LZTS3: variants seen among roughly 807,000 people sequenced by gnomAD.
LZTS3 encodes the protein leucine zipper putative tumor suppressor 3.
A neutral mutation model predicts 50.9 loss-of-function variants in LZTS3; 16 were observed. The observed-to-expected ratio is 0.31, with a 90% CI of 0.21 to 0.48. LZTS3 has a LOEUF of 0.48. Ranked by LOEUF, LZTS3 falls within the 20% of genes least tolerant of loss-of-function variation. LZTS3 has a pLI of 0.99. For synonymous variants in LZTS3, 408 were observed against 410.6 expected (o/e 0.99, Z 0.08); for missense variants, 816 against 931.0 (o/e 0.88, Z 1.61).
At chr20:3,171,027 T>A (rs1313088865) in intron 1 of LZTS3, among the ~76,000 whole-genome samples, 1 of 152,134 alleles carries the variant, frequency 6.6e-6, no homozygotes, top group African/African-American at 2.4e-5. Context: ...GGCAAGGGGA[T>A]AGCAAGGTGA....
At chr20:3,167,636 G>C (rs2066849632) in intron 2 of LZTS3, 102 bp downstream of exon 2, 1 of 989,758 alleles carries the variant, frequency 1.0e-6, no homozygotes, top group African/African-American at 1.7e-5. Flanking sequence ...GGGGAGAGCA[G>C]TACCTGAATC....
At chr20:3,166,590 GCCTCCATCCTGCCCCCACAACCCAA>G in intron 3 of LZTS3, 90 bp downstream of exon 3, 20 of 1,351,870 alleles carry the variant, frequency 1.5e-5, no homozygotes, top group Non-Finnish European at 1.9e-5. Context: ...CCCCAGCCCA[GCCTCCATCCTGCCCCCACAACCCAA>G]CCTCCAAGAA....
In LZTS3 at chr20:3,166,044, C is replaced by T; in HGVS notation, c.776G>A (p.Gly259Asp). The T allele has an allele frequency of 6.2e-7, 1 of 1,613,066 alleles. No individual in the cohort carries two copies. Among genetic ancestry groups the T allele is most frequent in the Non-Finnish European group, 8.5e-7 (1 of 1,179,556 alleles). The change falls in exon 4 of 5, where the codon GGT (glycine) becomes GAT (aspartate). Residue 259 changes from glycine (G) to aspartate (D), a missense_variant. Physicochemically the swap from Gly to Asp is moderately conservative, Grantham distance 94. This residue lies in a region of LZTS3 where 700 missense variants were observed against 769.4 expected (regional missense o/e 0.91). Coordinates refer to ENST00000337576, the MANE Select transcript of LZTS3 (RefSeq NM_001365618.1). ...CCCCCCACCGCTGCTGCCGCCACTA[C>T]CACTACCATAGCTGGCAGTGCCAAT... is the stretch of plus-strand genomic sequence containing the variant. ...NRIGTASYGSGSGGSSGGGSG... is the reference protein window; with the variant it reads ...NRIGTASYGSDSGGSSGGGSG...
chr20:3,164,229 C>T lies in LZTS3; in HGVS notation c.*225G>A, dbSNP rs1459754443. On this transcript the variant is annotated 3_prime_UTR_variant, in exon 5 of 5. Coordinates refer to ENST00000337576, the MANE Select transcript of LZTS3 (RefSeq NM_001365618.1). Reference sequence around the variant, plus strand: ...TAGGATTGCCCCCACTCACCCTGCCCTCCTCCTATTCCCTCCTTTTAGGGG... The same window carrying T: ...TAGGATTGCCCCCACTCACCCTGCCTTCCTCCTATTCCCTCCTTTTAGGGG... 8 of 454,142 alleles carry T rather than the reference C, an allele frequency of 1.8e-5. No individual in the cohort carries two copies. The East Asian group carries it at 2.8e-4, about 16-fold the overall frequency. 28.1% of individuals were successfully genotyped at this position (454,142 alleles called of 1,614,324 possible).
In LZTS3 at chr20:3,164,405, T is replaced by G; in HGVS notation, c.*49A>C. On this transcript the variant is annotated 3_prime_UTR_variant, in exon 5 of 5. Coordinates refer to ENST00000337576, the MANE Select transcript of LZTS3 (RefSeq NM_001365618.1). ...ATGGAGGGGAGGGGACACTGGGGACTCTGGCCTTTTGACAGGACATGTGTC... is the reference window on the plus strand; with the variant it reads ...ATGGAGGGGAGGGGACACTGGGGACGCTGGCCTTTTGACAGGACATGTGTC... 1 of 1,489,946 alleles carries G rather than the reference T, an allele frequency of 6.7e-7. No individual in the cohort carries two copies. Among genetic ancestry groups the G allele is most frequent in the Non-Finnish European group, 8.9e-7 (1 of 1,118,026 alleles). 92.3% of individuals were successfully genotyped at this position (1,489,946 alleles called of 1,614,324 possible). A position where few individuals can be genotyped will look rare whatever the true frequency, so the allele number is the denominator to read the frequency against.
In LZTS3 at chr20:3,166,198, G is replaced by A. The variant is rs1240605097; in HGVS notation, c.622C>T (p.Pro208Ser). 2 of 1,613,686 alleles carry A rather than the reference G, an allele frequency of 1.2e-6. No homozygotes were observed. The highest frequency in any genetic ancestry group is 1.3e-5 in the African/African-American group (1 of 74,926). ...AGGCCACTCCCACTCCCACCCGCTG[G>A]AGTCATGGTCCGAGACTTGTCCAGT... Reference protein sequence around the residue: ...GGLDKSRTMTPAGGSGSGLSD... With the variant: ...GGLDKSRTMTSAGGSGSGLSD... Residue 208 changes from proline to serine, a missense_variant, in exon 4 of 5, where the codon CCA (proline) becomes TCA (serine). Physicochemically the swap from Pro to Ser is moderately conservative, Grantham distance 74 (BLOSUM62 -1). This residue lies in a region of LZTS3 where 700 missense variants were observed against 769.4 expected (regional missense o/e 0.91). Transcript: ENST00000337576.
At chr20:3,168,614 G>C (rs796973356) in intron 1 of LZTS3, 2 of 152,236 alleles carry the variant, frequency 1.3e-5, no homozygotes, top group Non-Finnish European at 2.9e-5. Context: ...GTGCTTCCTC[G>C]TTCCTTTGTC....
In LZTS3 at chr20:3,162,624, CAA is replaced by C. The variant is rs1195719028; in HGVS notation, c.*1828_*1829del. On this transcript the variant is annotated 3_prime_UTR_variant, in exon 5 of 5. Transcript: ENST00000337576. The surrounding 1 kb of genome is among the most constrained non-coding windows in gnomAD (Gnocchi z 5.0). ...CACAAGCAGGCCAAAGAATACCACTCAAGAGGCTTTTTCCGTTTTATTTCTTT... is the reference window on the plus strand; with the variant it reads ...CACAAGCAGGCCAAAGAATACCACTCGAGGCTTTTTCCGTTTTATTTCTTT... The C allele has an allele frequency of 1.3e-5, 2 of 152,698 alleles. No homozygotes were observed. The highest frequency in any genetic ancestry group is 4.8e-5 in the African/African-American group (2 of 41,548). The allele number at this position is 152,698 out of a possible 1,614,324, so 9.5% of individuals were successfully genotyped here.
chr20:3,166,193 C>A lies in LZTS3; in HGVS notation c.627G>T (p.Ala209=). 1 of 1,613,788 alleles carries A rather than the reference C, an allele frequency of 6.2e-7. No individual in the cohort carries two copies. Among genetic ancestry groups the A allele is most frequent in the South Asian group, 1.1e-5 (1 of 91,022 alleles). The change falls in exon 4 of 5, where the codon GCG becomes GCT. Residue 209 remains alanine, a synonymous_variant. Transcript: ENST00000337576. ...CTGAGAGGCCACTCCCACTCCCACC[C>A]GCTGGAGTCATGGTCCGAGACTTGT... ...GLDKSRTMTP[A]GGSGSGLSDS... is the part of the protein sequence containing the mutation.
In LZTS3 at chr20:3,164,231, C is replaced by G; in HGVS notation, c.*223G>C. ...GGATTGCCCCCACTCACCCTGCCCT[C>G]CTCCTATTCCCTCCTTTTAGGGGGG... On this transcript the variant is annotated 3_prime_UTR_variant, in exon 5 of 5. Coordinates refer to ENST00000337576, the MANE Select transcript of LZTS3 (RefSeq NM_001365618.1). The G allele has an allele frequency of 2.2e-6, 1 of 459,534 alleles. No homozygotes were observed. The highest frequency in any genetic ancestry group is 3.7e-6 in the Non-Finnish European group (1 of 267,734). The allele number at this position is 459,534 out of a possible 1,614,324, so 28.5% of individuals were successfully genotyped here.
intron 1 of LZTS3, among the ~76,000 whole-genome samples, chr20:3,168,726 T>A (rs1044895425): frequency 2.6e-5 from 4 of 152,210 alleles, no homozygotes; most frequent in Non-Finnish European, 4.4e-5. Flanking sequence ...CAAATAAGTG[T>A]GTGGGAAATG....
chr20:3,165,164 C>T lies in LZTS3; in HGVS notation c.1324-12G>A. 6.5e-7 allele frequency: 1 copy of T among 1,537,468 alleles called. No homozygotes were observed. The highest frequency in any genetic ancestry group is 1.2e-5 in the South Asian group (1 of 80,834). On this transcript the variant is annotated splice_polypyrimidine_tract_variant and intron_variant, in intron 4 of 4. Transcript: ENST00000337576. The surrounding 1 kb of genome is among the most constrained non-coding windows in gnomAD (Gnocchi z 5.0). ...GCCTTCTGGCACACCTGGGCAGGAA[C>T]AGGTGAGAGGAGAAGCCAGGTAAAG...
intron 1 of LZTS3, among the ~76,000 whole-genome samples, chr20:3,169,661 T>C (rs2066877920): frequency 6.6e-6 from 1 of 151,848 alleles, no homozygotes; most frequent in African/African-American, 2.4e-5. Context: ...GGCAGATTAC[T>C]TGAGGCCAAG....
chr20:3,169,170 GC>G (rs1395761458), intron 1 of LZTS3, among the ~76,000 whole-genome samples: 1 of 152,190 alleles, frequency 6.6e-6, no homozygotes, highest in Non-Finnish European at 1.5e-5. Context: ...CAAGTACACA[GC>G]CCTGAGGGTG....
In LZTS3 at chr20:3,166,079, G is replaced by A. The variant is rs1427448241; in HGVS notation, c.741C>T (p.His247=). ...AGCTGGCAGTGCCAATGCGGTTAAT[G>A]TGGCTGGTGGAGGCACTGAGGGGTG... is the stretch of plus-strand genomic sequence containing the variant. ...HLAPLSASTS[H]INRIGTASYG... The change falls in exon 4 of 5, where the codon CAC becomes CAT. Residue 247 remains histidine (H), a synonymous_variant. Coordinates refer to ENST00000337576, the MANE Select transcript of LZTS3 (RefSeq NM_001365618.1). The A allele has an allele frequency of 7.4e-6, 12 of 1,612,624 alleles. No individual in the cohort carries two copies. The highest frequency in any genetic ancestry group is 1.0e-5 in the Non-Finnish European group (12 of 1,179,094).
At position 3,167,740 on chromosome 20, in the gene LZTS3, A is replaced by AAG. The variant is rs1568491898; in HGVS notation, c.-23_-22dup. The stretch of plus-strand genomic sequence containing the variant: ...GGGGTCCTTCCCAGCCCCCTAACCT[A>AAG]AGTGTTGCAGTCAGGGCAGAAGTGG... On this transcript the variant is annotated 5_prime_UTR_variant, in exon 2 of 5. Coordinates refer to ENST00000337576, the MANE Select transcript of LZTS3 (RefSeq NM_001365618.1). The AAG allele has an allele frequency of 6.1e-6, 6 of 985,392 alleles. No individual in the cohort carries two copies. The highest frequency in any genetic ancestry group is 6.0e-6 in the Non-Finnish European group (5 of 830,102). 61.0% of individuals were successfully genotyped at this position (985,392 alleles called of 1,614,324 possible).
Position 3,165,262 on chromosome 20 carries a change from C to A in LZTS3, c.1324-110G>T, listed in dbSNP as rs1333318453. On this transcript the variant is annotated intron_variant, in intron 4 of 4. Coordinates refer to ENST00000337576, the MANE Select transcript of LZTS3 (RefSeq NM_001365618.1). This position sits in a 1 kb window ranked among gnomAD's most constrained non-coding sequence, Gnocchi z 5.0. ...GCACCAAGCTTCCCGGGGCTGCAGG[C>A]TCAGCCCCTCATCAGCAGCGACGCA... The A allele has an allele frequency of 1.3e-5, 16 of 1,215,158 alleles. No individual in the cohort carries two copies. The East Asian group carries it at 3.1e-4, about 24-fold the overall frequency. The allele number at this position is 1,215,158 out of a possible 1,614,324, so 75.3% of individuals were successfully genotyped here. A position where few individuals can be genotyped will look rare whatever the true frequency, so the allele number is the denominator to read the frequency against.
intron 3 of LZTS3, 117 bp downstream of exon 3, chr20:3,166,588 C>A: frequency 7.4e-7 from 1 of 1,345,304 alleles, no homozygotes; most frequent in East Asian, 2.4e-5. Flanking sequence ...CTCCCCAGCC[C>A]AGCCTCCATC....
chr20:3,164,772 G>A lies in LZTS3; in HGVS notation c.1704C>T (p.Ser568=), dbSNP rs894029051. Residue 568 remains serine (S), a synonymous_variant, in exon 5 of 5, where the codon AGC becomes AGT. Transcript: ENST00000337576. ...VDGEAEAGGE[S]GTRALRREVG... Reference sequence around the variant, plus strand: ...CCTCCCGCCGCAGGGCCCGCGTCCCGCTCTCCCCGCCAGCCTCCGCCTCCC... The same window carrying A: ...CCTCCCGCCGCAGGGCCCGCGTCCCACTCTCCCCGCCAGCCTCCGCCTCCC... 2 of 1,523,388 alleles carry A rather than the reference G, an allele frequency of 1.3e-6. No homozygotes were observed. The highest frequency in any genetic ancestry group is 5.1e-5 in the East Asian group (2 of 39,252). 94.4% of individuals were successfully genotyped at this position (1,523,388 alleles called of 1,614,324 possible). A position where few individuals can be genotyped will look rare whatever the true frequency, so the allele number is the denominator to read the frequency against.
Sources: allele counts gnomAD v4.1 joint callset (sites outside exome capture counted in the v4.1 genomes callset), GRCh38; gene constraint gnomAD v4.1.1; regional missense constraint gnomAD v4.1.1; non-coding constraint Gnocchi (gnomAD v3.1); transcripts MANE v1.5; gene names NCBI Gene and HGNC (gene_info 2026-07-23, HGNC 2026-07-21).